Variants in USP34 observed in about 807,000 individuals in gnomAD.
The protein encoded by USP34 is ubiquitin specific peptidase 34.
A neutral mutation model predicts 460.3 loss-of-function variants in USP34; 70 were observed. That is an observed-to-expected ratio of 0.15 (90% CI 0.13 to 0.19). The LOEUF (loss-of-function observed/expected upper bound fraction) is 0.19, where lower values mean the gene tolerates loss of function less well. Among genes scored for constraint, USP34 ranks in the 10% least tolerant of loss-of-function variants. The pLI is 1.00. For synonymous variants in USP34, 1,647 were observed against 1,405.3 expected, an observed-to-expected ratio of 1.17 and a Z score of -3.85; for missense variants, 3,985 against 4,236.2, an observed-to-expected ratio of 0.94 and a Z score of 1.65.
chr2:61,234,992 G>A (rs1251197050), intron 57 of USP34, among the ~76,000 whole-genome samples: 1 of 152,076 alleles, frequency 6.6e-6, no homozygotes, highest in Non-Finnish European at 1.5e-5. Flanking sequence ...CATGACACTA[G>A]TTATAATATT....
At chr2:61,248,429 T>A in intron 49 of USP34, 82 bp downstream of exon 49, 1 of 1,406,778 alleles carries the variant, frequency 7.1e-7, no homozygotes, top group Non-Finnish European at 9.5e-7. Flanking sequence ...ACTGTGTAGT[T>A]GATGACAACT....
Position 61,347,860 on chromosome 2 carries a change from G to C in USP34, c.2285+10C>G. On this transcript the variant is annotated intron_variant, in intron 15 of 79. Coordinates refer to ENST00000398571, the MANE Select transcript of USP34 (RefSeq NM_014709.4). The stretch of plus-strand genomic sequence containing the variant: ...ATATGAACTGAATATTTATTTTGAA[G>C]TAGGCTTACCCATCGTGGTGGTGGT... 6.2e-7 allele frequency: 1 copy of C among 1,609,870 alleles called. No individual in the cohort carries two copies. The highest frequency in any genetic ancestry group is 8.5e-7 in the Non-Finnish European group (1 of 1,177,160).
chr2:61,342,750 G>C (rs2103762724), intron 16 of USP34, among the ~76,000 whole-genome samples: 1 of 152,256 alleles, frequency 6.6e-6, no homozygotes, highest in South Asian at 2.1e-4. Flanking sequence ...GATTTGGAAA[G>C]CATTAACATA....
chr2:61,220,151 T>TAAAAAAAAAAA (rs60784334), intron 67 of USP34, 159 bp downstream of exon 67: 3 of 157,534 alleles, frequency 1.9e-5, no homozygotes, highest in African/African-American at 7.7e-5. Context: ...TTTCCTATCC[T>TAAAAAAAAAAA]AAAAAAAAAA....
chr2:61,280,801 T>C (rs10169662), intron 38 of USP34, among the ~76,000 whole-genome samples: 80,837 of 151,948 alleles, frequency 0.53, 21,797 homozygotes, highest in South Asian at 0.74. Flanking sequence ...GATTTTTTAT[T>C]AGTCAACTTA....
rs1691909411 is a variant in USP34, at chr2:61,350,396, A to G, written c.1378-7T>C. 6.2e-7 allele frequency: 1 copy of G among 1,600,756 alleles called. No individual in the cohort carries two copies. The highest frequency in any genetic ancestry group is 8.5e-7 in the Non-Finnish European group (1 of 1,175,342). On this transcript the variant is annotated splice_polypyrimidine_tract_variant and splice_region_variant and intron_variant, in intron 11 of 79. Coordinates refer to ENST00000398571, the MANE Select transcript of USP34 (RefSeq NM_014709.4). ...TGGATGCCAAGTACAGTGTCTAAAAAAAAGAGGGAGAGATTTCAGTTTGAG... is the reference window on the plus strand; with the variant it reads ...TGGATGCCAAGTACAGTGTCTAAAAGAAAGAGGGAGAGATTTCAGTTTGAG...
chr2:61,201,351 G>C (rs577549710), intron 75 of USP34, among the ~76,000 whole-genome samples: 69 of 151,170 alleles, frequency 4.6e-4, no homozygotes, highest in Non-Finnish European at 8.0e-4. Context: ...CCAAGTAGCT[G>C]CAACTACAGG....
At position 61,374,869 on chromosome 2, in the gene USP34, T is replaced by C. The variant is rs537175148; in HGVS notation, c.1076+3494A>G. ...CAGGCATGAGCCACTGCACTCAGTC[T>C]CCTACTTTCAATAATAGAGAAGAAC... On this transcript the variant is annotated intron_variant, in intron 8 of 79. Coordinates refer to ENST00000398571, the MANE Select transcript of USP34 (RefSeq NM_014709.4). 6.7e-4 allele frequency among the ~76,000 whole-genome samples: 102 copies of C among 152,204 alleles called. 1 individual carries two copies. The highest frequency in any genetic ancestry group is 2.2e-3 in the Admixed American group (33 of 15,284).
rs563722954 is a variant in USP34, at chr2:61,394,185, A to T, written c.753+668T>A. 3.2e-4 allele frequency among the ~76,000 whole-genome samples: 49 copies of T among 152,310 alleles called. No individual in the cohort carries two copies. In the South Asian group the frequency reaches 9.9e-3, roughly 31 times the overall value. Reference sequence around the variant, plus strand: ...GTGCTTCACAGTGAAACTGATACTCACAGGATACAGAAGAATTACCTTATT... The same window carrying T: ...GTGCTTCACAGTGAAACTGATACTCTCAGGATACAGAAGAATTACCTTATT... On this transcript the variant is annotated intron_variant, in intron 5 of 79. Coordinates refer to ENST00000398571, the MANE Select transcript of USP34 (RefSeq NM_014709.4).
intron 75 of USP34, chr2:61,200,554 A>T (rs1165433118): frequency 6.6e-6 from 1 of 152,314 alleles, no homozygotes; most frequent in Non-Finnish European, 1.5e-5. Context: ...ATTACCACAA[A>T]GACTTTTCCT....
chr2:61,445,391 G>C (rs919637067), intron 1 of USP34, among the ~76,000 whole-genome samples: 3 of 151,446 alleles, frequency 2.0e-5, no homozygotes, highest in Admixed American at 6.6e-5. Context: ...AAAAGTTAGC[G>C]GGGCGTGGTG....
At chr2:61,227,027 C>G in intron 62 of USP34, 40 bp downstream of exon 62, 5 of 1,544,298 alleles carry the variant, frequency 3.2e-6, no homozygotes, top group Non-Finnish European at 4.3e-6. Context: ...AATAATAAAA[C>G]CAAACATGCT....
chr2:61,194,317 C>T, intron 75 of USP34: 3 of 985,008 alleles, frequency 3.0e-6, no homozygotes, highest in South Asian at 4.7e-5. Flanking sequence ...CACGGTATCA[C>T]CACACACATA....
chr2:61,433,813 A>T (rs2104003876), intron 1 of USP34, among the ~76,000 whole-genome samples: 1 of 152,242 alleles, frequency 6.6e-6, no homozygotes, highest in African/African-American at 2.4e-5. Flanking sequence ...CACCATCTTG[A>T]AACCAGAGCC....
At position 61,348,260 on chromosome 2, in the gene USP34, T is replaced by C; in HGVS notation, c.1895A>G (p.Asn632Ser). 6.2e-7 allele frequency: 1 copy of C among 1,614,206 alleles called. No homozygotes were observed. Among genetic ancestry groups the C allele is most frequent in the Non-Finnish European group, 8.5e-7 (1 of 1,180,028 alleles). Residue 632 changes from asparagine to serine, a missense_variant, in exon 15 of 80, where the codon AAT becomes AGT. By Grantham distance (46) the Asn-to-Ser change is conservative. Transcript: ENST00000398571. ...EEDEDDDHGHNPPKSSCGTDL... is the reference protein window; with the variant it reads ...EEDEDDDHGHSPPKSSCGTDL... ...TGTACCACAACTGCTTTTGGGAGGA[T>C]TATGACCATGATCATCGTCTTCATC...
chr2:61,402,501 G>T (rs12998931), intron 3 of USP34, among the ~76,000 whole-genome samples: 1 of 151,990 alleles, frequency 6.6e-6, no homozygotes, highest in African/African-American at 2.4e-5. Flanking sequence ...AGTAAGACCC[G>T]GATTCTAGGA....
At chr2:61,245,059 A>G (rs1292491767) in intron 51 of USP34, 151 bp downstream of exon 51, 1 of 560,850 alleles carries the variant, frequency 1.8e-6, no homozygotes, top group Non-Finnish European at 3.2e-6. Flanking sequence ...TTCTGAGAAC[A>G]TACTAAACTT....
rs1002663257 is a variant in USP34, at chr2:61,188,966, C to T, written c.9977G>A (p.Cys3326Tyr). ...LQELLSKCRT[C>Y]LQQRNSLQEQ... ...TTGGAGTGAGTTTCTCTGTTGCAGA[C>T]AAGTCCTGCATTTGCTTAAAAGCTC... Residue 3326 changes from cysteine to tyrosine, a missense_variant, in exon 79 of 80, where the codon TGT becomes TAT. Physicochemically the swap from Cys to Tyr is radical, Grantham distance 194 (BLOSUM62 -2). Transcript: ENST00000398571. 3.1e-6 allele frequency: 5 copies of T among 1,614,034 alleles called. No individual in the cohort carries two copies. The highest frequency in any genetic ancestry group is 4.2e-6 in the Non-Finnish European group (5 of 1,180,040).
chr2:61,278,367 C>A, intron 40 of USP34, 21 bp downstream of exon 40: 1 of 1,607,350 alleles, frequency 6.2e-7, no homozygotes, highest in South Asian at 1.1e-5. Flanking sequence ...ATATAAATGT[C>A]AATTTCACAT....
Sources: gnomAD v4.1 joint callset for allele counts (sites outside exome capture counted in the v4.1 genomes callset) on GRCh38, gnomAD v4.1.1 for gene constraint, MANE v1.5 for transcripts, NCBI Gene and HGNC (gene_info 2026-07-23, HGNC 2026-07-21) for gene names.